Variants in DONSON observed in about 807,000 individuals in gnomAD.
DONSON encodes DNA replication fork stabilization factor DONSON.
Under a neutral mutation model 62.1 loss-of-function variants are expected in DONSON, and 43 were observed. The observed-to-expected ratio is 0.69, with a 90% CI of 0.54 to 0.89. The LOEUF is 0.89. DONSON is among the 40% of genes least tolerant of loss of function. The pLI, the probability that DONSON is intolerant of heterozygous loss-of-function variation, is 0.00. For synonymous variants in DONSON, 266 were observed against 264.6 expected, an observed-to-expected ratio of 1.01 and a Z score of -0.05; for missense variants, 696 against 697.5, an observed-to-expected ratio of 1.00 and a Z score of 0.03.
intron 9 of DONSON, among the ~76,000 whole-genome samples, chr21:33,579,136 CAAA>C (rs879477732): frequency 7.5e-6 from 1 of 132,684 alleles, no homozygotes; most frequent in East Asian, 2.1e-4. Flanking sequence ...GACTCCATCT[CAAA>C]AAAAAAAAAA....
chr21:33,588,508 C>A lies in DONSON; in HGVS notation c.134G>T (p.Arg45Leu). The A allele has an allele frequency of 8.0e-7, 1 of 1,252,496 alleles. No homozygotes were observed. Among genetic ancestry groups the A allele is most frequent in the South Asian group, 3.1e-5 (1 of 32,536 alleles). 77.6% of individuals were successfully genotyped at this position (1,252,496 alleles called of 1,614,324 possible). A position where few individuals can be genotyped will look rare whatever the true frequency, so the allele number is the denominator to read the frequency against. The change falls in exon 1 of 10, where the codon CGC becomes CTC. Residue 45 changes from arginine (R) to leucine (L), a missense_variant. Coordinates refer to ENST00000303071, the MANE Select transcript of DONSON (RefSeq NM_017613.4). ...PPRELTEPAA[R>L]RAALVAGLPL... ...CAGCCCCGCCACCAGGGCGGCTCGG[C>A]GGGCCGCCGGCTCCGTCAGCTCACG...
intron 2 of DONSON, chr21:33,587,261 TA>T: frequency 2.9e-6 from 2 of 698,280 alleles, no homozygotes; most frequent in Non-Finnish European, 3.5e-6. Flanking sequence ...TGTTAGAGAG[TA>T]AAAGAAAACC....
In DONSON at chr21:33,581,626, T is replaced by G. The variant is rs2086511946; in HGVS notation, c.1152-126A>C. 6.3e-6 allele frequency: 5 copies of G among 798,446 alleles called. No individual in the cohort carries two copies. The South Asian group carries it at 9.3e-5, about 15-fold the overall frequency. 49.5% of individuals were successfully genotyped at this position (798,446 alleles called of 1,614,324 possible). A position where few individuals can be genotyped will look rare whatever the true frequency, so the allele number is the denominator to read the frequency against. On this transcript the variant is annotated intron_variant, in intron 7 of 9. Transcript: ENST00000303071. Reference sequence around the variant, plus strand: ...GAAATGGAAATCCTCTTGCTACCTCTCTTTACCGAATCATAAGGCATATGT... The same window carrying G: ...GAAATGGAAATCCTCTTGCTACCTCGCTTTACCGAATCATAAGGCATATGT...
At position 33,581,857 on chromosome 21, in the gene DONSON, TAA is replaced by T; in HGVS notation, c.1151+92_1151+93del. On this transcript the variant is annotated intron_variant, in intron 7 of 9. Transcript: ENST00000303071. Reference sequence around the variant, plus strand: ...GTTTTAATATGACCTGAAGATAATTTAAGATTATAATCATATAAAACTGCCAA... The same window carrying T: ...GTTTTAATATGACCTGAAGATAATTTGATTATAATCATATAAAACTGCCAA... 1.2e-5 allele frequency: 13 copies of T among 1,113,764 alleles called. No individual in the cohort carries two copies. The South Asian group carries it at 1.7e-4, about 15-fold the overall frequency. 69.0% of individuals were successfully genotyped at this position (1,113,764 alleles called of 1,614,324 possible).
chr21:33,579,652 G>C (rs2086483030), intron 8 of DONSON, 90 bp from the exon 9 acceptor site: 2 of 1,045,470 alleles, frequency 1.9e-6, no homozygotes, highest in African/African-American at 1.6e-5. Flanking sequence ...TCCATTTGGG[G>C]TTTCCTCTCT....
intron 5 of DONSON, among the ~76,000 whole-genome samples, chr21:33,583,033 C>G (rs1046322683): frequency 3.3e-5 from 5 of 151,498 alleles, no homozygotes; most frequent in African/African-American, 1.2e-4. Context: ...AACCCCGTCT[C>G]TACTAAAAAT....
Position 33,579,722 on chromosome 21 carries a change from A to G in DONSON, c.1351-160T>C. The G allele has an allele frequency of 7.2e-6, 4 of 556,882 alleles. 1 individual carries two copies. Among genetic ancestry groups the G allele is most frequent in the South Asian group, 6.2e-5 (2 of 32,398 alleles). The allele number at this position is 556,882 out of a possible 1,614,324, so 34.5% of individuals were successfully genotyped here. A position where few individuals can be genotyped will look rare whatever the true frequency, so the allele number is the denominator to read the frequency against. On this transcript the variant is annotated intron_variant, in intron 8 of 9. Transcript: ENST00000303071. ...CATCTAAACAATGTTATGTGAGTAC[A>G]AATACTTAGTAAATTTTCAGCAACC...
In DONSON at chr21:33,577,591, TAC is replaced by T. The variant is rs2086431260; in HGVS notation, c.*714_*715del. On this transcript the variant is annotated 3_prime_UTR_variant, in exon 10 of 10. Transcript: ENST00000303071. Reference sequence around the variant, plus strand: ...ACTTTTATTTTAAAAATGTGAATTATACAGTCCCCCCCTACACACACACACAC... The same window carrying T: ...ACTTTTATTTTAAAAATGTGAATTATAGTCCCCCCCTACACACACACACAC... 1 of 144,228 alleles carries T rather than the reference TAC, an allele frequency of 6.9e-6. No homozygotes were observed. Among genetic ancestry groups the T allele is most frequent in the South Asian group, 2.2e-4 (1 of 4,540 alleles). The allele number at this position is 144,228 out of a possible 1,614,324, so 8.9% of individuals were successfully genotyped here.
In DONSON at chr21:33,585,996, A is replaced by G; in HGVS notation, c.588T>C (p.Thr196=). 2 of 1,614,210 alleles carry G rather than the reference A, an allele frequency of 1.2e-6. No homozygotes were observed. The highest frequency in any genetic ancestry group is 1.7e-6 in the Non-Finnish European group (2 of 1,180,044). ...LVQHCRATEV[T]LPKSIQDPKL... Reference sequence around the variant, plus strand: ...GAGTTACCTGTATACTTTTAGGCAAAGTAACTTCTGTTGCCCTACAATGCT... The same window carrying G: ...GAGTTACCTGTATACTTTTAGGCAAGGTAACTTCTGTTGCCCTACAATGCT... The change falls in exon 3 of 10, where the codon ACT becomes ACC. Residue 196 remains threonine, a synonymous_variant. Coordinates refer to ENST00000303071, the MANE Select transcript of DONSON (RefSeq NM_017613.4).
Position 33,588,318 on chromosome 21 carries a change from C to G in DONSON, c.321+3G>C. The G allele has an allele frequency of 7.8e-7, 1 of 1,283,964 alleles. No homozygotes were observed. Among genetic ancestry groups the G allele is most frequent in the Non-Finnish European group, 9.8e-7 (1 of 1,019,270 alleles). The allele number at this position is 1,283,964 out of a possible 1,614,324, so 79.5% of individuals were successfully genotyped here. On this transcript the variant is annotated splice_donor_region_variant and intron_variant, in intron 1 of 9. Coordinates refer to ENST00000303071, the MANE Select transcript of DONSON (RefSeq NM_017613.4). ...CTTGGCGGCCAGGCTACAAGACACTCACCGGGACCGGGGCCTCCGGCTGCT... is the reference window on the plus strand; with the variant it reads ...CTTGGCGGCCAGGCTACAAGACACTGACCGGGACCGGGGCCTCCGGCTGCT...
chr21:33,578,541 AT>A, intron 9 of DONSON, 97 bp from the exon 10 acceptor site: 3 of 1,283,454 alleles, frequency 2.3e-6, no homozygotes, highest in Non-Finnish European at 3.1e-6. Flanking sequence ...TAAATGGCTG[AT>A]TAATGTGATT....
chr21:33,587,375 G>C (rs2086589416), intron 2 of DONSON, 147 bp downstream of exon 2: 1 of 1,380,580 alleles, frequency 7.2e-7, no homozygotes, highest in Non-Finnish European at 9.4e-7. Context: ...TTTCATCCCT[G>C]GTTGAGATGA....
At chr21:33,587,663 T>C in intron 1 of DONSON, 61 bp from the exon 2 acceptor site, 1 of 1,166,246 alleles carries the variant, frequency 8.6e-7, no homozygotes, top group Non-Finnish European at 1.2e-6. Flanking sequence ...GTTAAATATG[T>C]ACAGAGCCTC....
rs1205273613 is a variant in DONSON at position 33,578,209 on chromosome 21, A to G, written c.*98T>C. The G allele has an allele frequency of 5.3e-6, 7 of 1,328,226 alleles. No individual in the cohort carries two copies. Among genetic ancestry groups the G allele is most frequent in the African/African-American group, 1.5e-5 (1 of 67,894 alleles). 82.3% of individuals were successfully genotyped at this position (1,328,226 alleles called of 1,614,324 possible). A position where few individuals can be genotyped will look rare whatever the true frequency, so the allele number is the denominator to read the frequency against. On this transcript the variant is annotated 3_prime_UTR_variant, in exon 10 of 10. Transcript: ENST00000303071. ...TGCTACTGTAGTAAAAGTTATGTTTATAAACATTTCAGTATATTCCTTCAA... is the reference window on the plus strand; with the variant it reads ...TGCTACTGTAGTAAAAGTTATGTTTGTAAACATTTCAGTATATTCCTTCAA...
chr21:33,584,549 AT>A (rs1184497892), intron 4 of DONSON, 40 bp downstream of exon 4: 1 of 1,495,810 alleles, frequency 6.7e-7, no homozygotes, highest in Non-Finnish European at 9.0e-7. Flanking sequence ...CTAAAATAAA[AT>A]TCACTATTGA....
chr21:33,583,883 A>G (rs1299562347), intron 4 of DONSON, among the ~76,000 whole-genome samples: 1 of 151,792 alleles, frequency 6.6e-6, no homozygotes, highest in Non-Finnish European at 1.5e-5. Context: ...AATAGTGTAT[A>G]CCACTTAAAC....
In DONSON at chr21:33,577,610, C is replaced by CACAT. The variant is rs2086434998; in HGVS notation, c.*696_*697insATGT. On this transcript the variant is annotated 3_prime_UTR_variant, in exon 10 of 10. Coordinates refer to ENST00000303071, the MANE Select transcript of DONSON (RefSeq NM_017613.4). The stretch of plus-strand genomic sequence containing the variant: ...GAATTATACAGTCCCCCCCTACACA[C>CACAT]ACACACACACACACACACACACACA... 9.6e-5 allele frequency: 3 copies of CACAT among 31,356 alleles called. No homozygotes were observed. Among genetic ancestry groups the CACAT allele is most frequent in the African/African-American group, 2.9e-4 (3 of 10,376 alleles). The allele number at this position is 31,356 out of a possible 1,614,324, so 1.9% of individuals were successfully genotyped here. A position where few individuals can be genotyped will look rare whatever the true frequency, so the allele number is the denominator to read the frequency against.
chr21:33,582,090 C>T (rs763079987), intron 6 of DONSON, 35 bp from the exon 7 acceptor site: 1 of 1,612,600 alleles, frequency 6.2e-7, no homozygotes, highest in African/African-American at 1.3e-5. Flanking sequence ...CCCTATTTCA[C>T]AAGCTGTTCC....
At chr21:33,585,953 C>T (rs1476343513) in intron 3 of DONSON, 25 bp downstream of exon 3, 1 of 1,609,322 alleles carries the variant, frequency 6.2e-7, no homozygotes, top group African/African-American at 1.3e-5. Context: ...TACTTTAACA[C>T]ATAACTATTT....
Sources: gnomAD v4.1 joint callset for allele counts (sites outside exome capture counted in the v4.1 genomes callset) on GRCh38, gnomAD v4.1.1 for gene constraint, MANE v1.5 for transcripts, NCBI Gene and HGNC (gene_info 2026-07-23, HGNC 2026-07-21) for gene names.